Variants in ASMT observed in about 807,000 individuals in gnomAD.
ASMT encodes acetylserotonin N-methyltransferase.
A neutral mutation model predicts 41.3 loss-of-function variants in ASMT; 53 were observed. That is an observed-to-expected ratio of 1.28 (90% CI 1.03 to 1.61). The LOEUF is 1.61. ASMT is among the 40% of genes most tolerant of loss of function. The pLI, the probability that ASMT is intolerant of heterozygous loss-of-function variation, is 0.00. For synonymous variants in ASMT, 231 were observed against 184.8 expected (o/e 1.25, Z -2.03); for missense variants, 531 against 441.3 (o/e 1.20, Z -1.82).
intron 1 of ASMT, among the ~76,000 whole-genome samples, chrX:1,617,219 A>G (rs1353446393): frequency 6.6e-6 from 1 of 151,546 alleles, no homozygotes; most frequent in African/African-American, 2.4e-5. Context: ...CTGTCATCCC[A>G]GCACTTTTTG....
intron 5 of ASMT, among the ~76,000 whole-genome samples, chrX:1,632,179 C>A (rs777227614): frequency 2.0e-5 from 3 of 152,282 alleles, no homozygotes; most frequent in African/African-American, 7.2e-5. Flanking sequence ...GTTATTACAT[C>A]CTTCTCTTAG....
intron 4 of ASMT, 139 bp downstream of exon 4, chrX:1,627,910 C>A (rs1603461456): frequency 2.4e-6 from 2 of 838,296 alleles, no homozygotes; most frequent in Non-Finnish European, 4.1e-6. Context: ...CATCCCCTAT[C>A]CCCACTACTA....
At chrX:1,624,948 T>A (rs1312487697) in intron 3 of ASMT, among the ~76,000 whole-genome samples, 1 of 146,156 alleles carries the variant, frequency 6.8e-6, no homozygotes, top group African/African-American at 2.6e-5. Context: ...CCCAGGCAGA[T>A]GCTGGGAGGT....
At chrX:1,616,632 G>A (rs1472369406) in intron 1 of ASMT, among the ~76,000 whole-genome samples, 1 of 151,432 alleles carries the variant, frequency 6.6e-6, no homozygotes, top group African/African-American at 2.4e-5. Context: ...CGGTTTGGGG[G>A]TCCGAAACGA....
intron 3 of ASMT, among the ~76,000 whole-genome samples, chrX:1,625,268 C>T (rs1177881809): frequency 6.6e-6 from 1 of 151,658 alleles, no homozygotes; most frequent in Non-Finnish European, 1.5e-5. Context: ...CCACACCCGA[C>T]TAATTTTTTG....
At chrX:1,636,173 G>A (rs1179217053) in intron 7 of ASMT, 22 of 490,788 alleles carry the variant, frequency 4.5e-5, no homozygotes, top group Admixed American at 3.6e-4. Flanking sequence ...TAGCCAGGAT[G>A]GTCTTGATCT....
At position 1,642,948 on chromosome X, in the gene ASMT, T is replaced by C. The variant is rs752121390; in HGVS notation, c.1056T>C (p.Ala352=). The C allele has an allele frequency of 6.2e-7, 1 of 1,614,006 alleles. No homozygotes were observed. Among genetic ancestry groups the C allele is most frequent in the Non-Finnish European group, 8.5e-7 (1 of 1,179,876 alleles). ...ACTACCACATGCTCCTCTCTTCTGC[T>C]GGCTTCAGAGACTTCCAGTTTAAGA... is the stretch of plus-strand genomic sequence containing the variant. ...PTHYHMLLSS[A]GFRDFQFKKT... Residue 352 remains alanine, a synonymous_variant, in exon 9 of 9, where the codon GCT becomes GCC. Transcript: ENST00000381241.
At position 1,624,257 on chromosome X, in the gene ASMT, T is replaced by G. The variant is rs1420246177; in HGVS notation, c.245-12T>G. 1.9e-6 allele frequency: 3 copies of G among 1,613,784 alleles called. No homozygotes were observed. The highest frequency in any genetic ancestry group is 2.7e-5 in the African/African-American group (2 of 74,924). On this transcript the variant is annotated splice_polypyrimidine_tract_variant and intron_variant, in intron 2 of 8. Coordinates refer to ENST00000381241, the MANE Select transcript of ASMT (RefSeq NM_001171038.2). ...TCACTGCTTTTTCCCTGTTTTTTTG[T>G]GTGTGTTTCAGCTTTCTATCGAAAC... is the stretch of plus-strand genomic sequence containing the variant.
intron 3 of ASMT, among the ~76,000 whole-genome samples, chrX:1,626,898 G>A (rs28866644): frequency 0.017 from 2,468 of 148,294 alleles, 34 homozygotes; most frequent in South Asian, 0.027. Flanking sequence ...GCATGGTGGC[G>A]GGTGCCTGTC....
intron 3 of ASMT, among the ~76,000 whole-genome samples, chrX:1,625,546 G>GGA (rs1569374351): frequency 1.8e-4 from 8 of 43,522 alleles, no homozygotes; most frequent in Admixed American, 6.2e-4. Flanking sequence ...GGAAGGAAGG[G>GGA]AGGGAGGGAG....
chrX:1,625,855 TGA>T, intron 3 of ASMT, among the ~76,000 whole-genome samples: 1 of 147,942 alleles, frequency 6.8e-6, no homozygotes, highest in African/African-American at 2.5e-5. Context: ...TCGGAGAGGC[TGA>T]GGCAGGAAAA....
intron 4 of ASMT, 156 bp downstream of exon 4, chrX:1,627,927 A>G (rs1204610653): frequency 2.6e-6 from 2 of 765,416 alleles, no homozygotes; most frequent in African/African-American, 3.5e-5. Flanking sequence ...ACTACCCCAG[A>G]TTTTGCTCAT....
chrX:1,630,352 C>G (rs5989856), intron 5 of ASMT, among the ~76,000 whole-genome samples: 7 of 138,484 alleles, frequency 5.1e-5, no homozygotes, highest in African/African-American at 2.7e-5. Context: ...GTCGCCCAGG[C>G]TGGAGTGCAG....
chrX:1,637,090 G>A (rs1417235556), intron 8 of ASMT, among the ~76,000 whole-genome samples: 2 of 107,628 alleles, frequency 1.9e-5, no homozygotes, highest in Admixed American at 9.3e-5. Flanking sequence ...TGTGAGATAA[G>A]GACTGTGTCC....
intron 3 of ASMT, among the ~76,000 whole-genome samples, chrX:1,626,686 G>A (rs181155592): frequency 6.6e-6 from 1 of 152,154 alleles, no homozygotes. Flanking sequence ...ATTTGGGCAA[G>A]GAAGAAAAAG....
At chrX:1,624,245 C>T (rs771836217) in intron 2 of ASMT, 24 bp from the exon 3 acceptor site, 2 of 1,613,698 alleles carry the variant, frequency 1.2e-6, no homozygotes, top group Non-Finnish European at 1.7e-6. Context: ...CTGCTTTTTC[C>T]CTGTTTTTTT....
chrX:1,621,238 C>T (rs191559984), intron 1 of ASMT, among the ~76,000 whole-genome samples: 130 of 152,340 alleles, frequency 8.5e-4, no homozygotes, highest in East Asian at 3.1e-3. Context: ...TTTATGACTT[C>T]CTGTCACTAA....
chrX:1,615,573 CG>C, intron 1 of ASMT, among the ~76,000 whole-genome samples: 2 of 152,074 alleles, frequency 1.3e-5, no homozygotes, highest in East Asian at 3.9e-4. Context: ...GAGGCTGAGG[CG>C]GGCGGATCAC....
At chrX:1,615,508 T>G (rs1934050170) in intron 1 of ASMT, among the ~76,000 whole-genome samples, 1 of 152,078 alleles carries the variant, frequency 6.6e-6, no homozygotes, top group African/African-American at 2.4e-5. Flanking sequence ...AATCAATGTA[T>G]GTAAGTACAT....
Sources: gnomAD v4.1 joint callset for allele counts (sites outside exome capture counted in the v4.1 genomes callset) on GRCh38, gnomAD v4.1.1 for gene constraint, MANE v1.5 for transcripts, NCBI Gene and HGNC (gene_info 2026-07-23, HGNC 2026-07-21) for gene names.